PPP2R2B: variants seen among roughly 807,000 people sequenced by gnomAD.
PPP2R2B encodes the protein protein phosphatase 2 regulatory subunit Bbeta, also known as serine/threonine-protein phosphatase 2A 55 kDa regulatory subunit B beta isoform.
PPP2R2B carries 5 observed loss-of-function variants against 46.0 expected under a neutral mutation model. The ratio of observed to expected loss-of-function variants is 0.11; its 90% confidence interval spans 0.06 to 0.23. The LOEUF is 0.23. PPP2R2B is among the 10% of genes least tolerant of loss of function. The probability of loss-of-function intolerance (pLI) is 1.00; values close to 1 mark genes in which losing one functional copy is unlikely to be tolerated. For missense variants in PPP2R2B, 367 were observed against 575.0 expected (o/e 0.64, Z 3.70); for synonymous variants, 215 against 206.7 (o/e 1.04, Z -0.34).
At chr5:146,796,488 C>T (rs1173338294) in intron 2 of PPP2R2B, among the ~76,000 whole-genome samples, 1 of 152,126 alleles carries the variant, frequency 6.6e-6, no homozygotes, top group Non-Finnish European at 1.5e-5. Flanking sequence ...ACTCAGAGTG[C>T]CCACAATGTG....
intron 2 of PPP2R2B, among the ~76,000 whole-genome samples, chr5:146,824,484 T>G (rs1758452146): frequency 6.6e-6 from 1 of 152,176 alleles, no homozygotes; most frequent in South Asian, 2.1e-4. Context: ...TAGCATCTAT[T>G]GCTTTTCATT....
At chr5:146,978,706 T>C (rs1420519165) in intron 1 of PPP2R2B, among the ~76,000 whole-genome samples, 1 of 152,158 alleles carries the variant, frequency 6.6e-6, no homozygotes, top group African/African-American at 2.4e-5. Flanking sequence ...TCCTGAGGCC[T>C]TTTTTCTGTC....
At chr5:146,754,376 C>A (rs1753724131) in intron 2 of PPP2R2B, among the ~76,000 whole-genome samples, 1 of 152,168 alleles carries the variant, frequency 6.6e-6, no homozygotes, top group Non-Finnish European at 1.5e-5. Flanking sequence ...GAATAGCATG[C>A]AGCAACTAAA....
chr5:146,665,262 C>T (rs957226691), intron 5 of PPP2R2B, among the ~76,000 whole-genome samples: 8 of 152,220 alleles, frequency 5.3e-5, no homozygotes, highest in Non-Finnish European at 7.3e-5. Context: ...TACACTGAAG[C>T]TCTGTTGTTT....
chr5:146,635,510 G>A (rs1774756293), intron 7 of PPP2R2B, among the ~76,000 whole-genome samples: 1 of 152,166 alleles, frequency 6.6e-6, no homozygotes, highest in Admixed American at 6.5e-5. Context: ...GAATGCATGT[G>A]GATCTGTCTG....
At chr5:146,952,190 G>A (rs2151836213) in intron 1 of PPP2R2B, among the ~76,000 whole-genome samples, 1 of 151,844 alleles carries the variant, frequency 6.6e-6, no homozygotes, top group East Asian at 1.9e-4. Context: ...TTTCTTTCTT[G>A]CCCTGTTGAT....
rs1757932226 is a variant in PPP2R2B, at chr5:146,816,338, G to A, written c.70+61664C>T. ...TGACTTGAGCCCAGGAGGCTGAGGC[G>A]GCAGTGAGCCATGATTGCACTACTG... On this transcript the variant is annotated intron_variant, in intron 2 of 9. Coordinates refer to ENST00000394411, the MANE Select transcript of PPP2R2B (RefSeq NM_181675.4). 7.2e-5 allele frequency among the ~76,000 whole-genome samples: 11 copies of A among 152,218 alleles called. No homozygotes were observed. The South Asian group carries it at 1.5e-3, about 20-fold the overall frequency.
chr5:146,946,589 CT>C (rs1488734509), intron 1 of PPP2R2B, among the ~76,000 whole-genome samples: 3 of 152,096 alleles, frequency 2.0e-5, no homozygotes. Context: ...TACACTAGAA[CT>C]GTTAGGCCGA....
chr5:147,051,779 T>TTTG (rs1321231714), intron 1 of PPP2R2B, among the ~76,000 whole-genome samples: 1 of 135,526 alleles, frequency 7.4e-6, no homozygotes, highest in Non-Finnish European at 1.6e-5. Flanking sequence ...TTTTTTTTTT[T>TTTG]TGAGATGGAG....
chr5:146,954,451 G>A (rs968112050), intron 1 of PPP2R2B, among the ~76,000 whole-genome samples: 23 of 152,276 alleles, frequency 1.5e-4, no homozygotes, highest in African/African-American at 4.1e-4. Context: ...ATAAGTGGGA[G>A]CTAAGCTATG....
At chr5:146,601,285 T>G (rs549656269) in intron 7 of PPP2R2B, among the ~76,000 whole-genome samples, 1 of 152,332 alleles carries the variant, frequency 6.6e-6, no homozygotes, top group East Asian at 1.9e-4. Flanking sequence ...TCATTTCTCT[T>G]GTTGGCTCAC....
chr5:146,734,664 C>G (rs1047976349), intron 2 of PPP2R2B, among the ~76,000 whole-genome samples: 5 of 152,110 alleles, frequency 3.3e-5, no homozygotes, highest in Non-Finnish European at 5.9e-5. Flanking sequence ...TGTCTGTCCT[C>G]GTGAGACTGA....
In PPP2R2B at chr5:147,069,785, G is replaced by GTTTTTTTTTTTTTTTTTTTTTTTT. The variant is rs540998224; in HGVS notation, c.50+11273_50+11274insAAAAAAAAAAAAAAAAAAAAAAAA. Among the ~76,000 whole-genome samples the GTTTTTTTTTTTTTTTTTTTTTTTT allele has an allele frequency of 1.5e-4, 10 of 64,790 alleles. 3 individuals are homozygous for GTTTTTTTTTTTTTTTTTTTTTTTT. Among genetic ancestry groups the GTTTTTTTTTTTTTTTTTTTTTTTT allele is most frequent in the African/African-American group, 6.0e-4 (8 of 13,262 alleles). The allele number at this position is 64,790 out of a possible 152,430, so 42.5% of individuals were successfully genotyped here. A position where few individuals can be genotyped will look rare whatever the true frequency, so the allele number is the denominator to read the frequency against. ...CTCCCACATGAACACATTTTATACT[G>GTTTTTTTTTTTTTTTTTTTTTTTT]TTTTTTTTTTTTTTTTTTTTTTTGA... On this transcript the variant is annotated intron_variant, in intron 2 of 10. Coordinates refer to the PPP2R2B transcript ENST00000394413.
chr5:147,077,759 A>G (rs73310672), intron 2 of PPP2R2B, among the ~76,000 whole-genome samples: 2,129 of 152,258 alleles, frequency 0.014, 60 homozygotes, highest in African/African-American at 0.049. Context: ...GCCTGTATTC[A>G]CTATTTTAAA....
chr5:146,715,206 C>T (rs537726456), intron 2 of PPP2R2B, among the ~76,000 whole-genome samples: 163 of 152,294 alleles, frequency 1.1e-3, no homozygotes, highest in African/African-American at 3.7e-3. Flanking sequence ...CAGGAACTTT[C>T]CAAGTGATTT....
chr5:146,963,364 C>G (rs2127569), intron 1 of PPP2R2B, among the ~76,000 whole-genome samples: 117,133 of 152,048 alleles, frequency 0.77, 46,188 homozygotes, highest in Admixed American at 0.85. Flanking sequence ...AGCACCACCA[C>G]GGAGTAGGGA....
chr5:146,802,797 AG>A (rs2151307300), intron 2 of PPP2R2B, among the ~76,000 whole-genome samples: 1 of 152,302 alleles, frequency 6.6e-6, no homozygotes, highest in South Asian at 2.1e-4. Flanking sequence ...TTTACAAAAA[AG>A]GAGATCAAGC....
chr5:147,081,402 G>C, exon 1 of PPP2R2B: 2 of 1,168,604 alleles, frequency 1.7e-6, no homozygotes, highest in Admixed American at 2.1e-5. Context: ...ATTGGAGTTT[G>C]TCCCTTCTCA....
chr5:147,018,471 T>TA lies in PPP2R2B; in HGVS notation c.79+37193_79+37194insT, dbSNP rs551335028. ...TAAAAGATCTCATTTTTTATATATATTTTTTAAAAACACTTTTCCTTATTG... is the reference window on the plus strand; with the variant it reads ...TAAAAGATCTCATTTTTTATATATATATTTTTAAAAACACTTTTCCTTATTG... On this transcript the variant is annotated intron_variant, in intron 1 of 8. Transcript: ENST00000336640. Among the ~76,000 whole-genome samples, 97 of 152,294 alleles carry TA rather than the reference T, an allele frequency of 6.4e-4. 1 individual carries two copies. The South Asian group carries it at 0.014, about 21-fold the overall frequency.
Sources: gnomAD v4.1 joint callset for allele counts (sites outside exome capture counted in the v4.1 genomes callset) on GRCh38, gnomAD v4.1.1 for gene constraint, MANE v1.5 for transcripts, NCBI Gene and HGNC (gene_info 2026-07-23, HGNC 2026-07-21) for gene names.